Variants in NRXN1 observed in about 807,000 individuals in gnomAD.
NRXN1 encodes neurexin 1.
NRXN1 carries 39 observed loss-of-function variants against 150.9 expected under a neutral mutation model. The ratio of observed to expected loss-of-function variants is 0.26; its 90% CI spans 0.20 to 0.34. The LOEUF is 0.34. Among genes scored for constraint, NRXN1 ranks in the 10% least tolerant of loss-of-function variants. NRXN1 has a pLI of 1.00. For missense variants in NRXN1, 1,815 were observed against 1,949.9 expected, an observed-to-expected ratio of 0.93 and a Z score of 1.30; for synonymous variants, 924 against 757.0, an observed-to-expected ratio of 1.22 and a Z score of -3.62.
At chr2:50,759,278 G>T (rs952504886) in intron 5 of NRXN1, among the ~76,000 whole-genome samples, 1 of 151,704 alleles carries the variant, frequency 6.6e-6, no homozygotes, top group Non-Finnish European at 1.5e-5. Flanking sequence ...CAGTGCACTG[G>T]GTACAAAATC....
chr2:50,001,501 T>C (rs1470284984), intron 21 of NRXN1, among the ~76,000 whole-genome samples: 1 of 152,060 alleles, frequency 6.6e-6, no homozygotes, highest in East Asian at 1.9e-4. Context: ...CCACAGAATG[T>C]GTTAAGAAGA....
At chr2:50,963,912 T>A (rs1339109935) in intron 2 of NRXN1, 2 of 378,108 alleles carry the variant, frequency 5.3e-6, no homozygotes, top group Admixed American at 3.2e-5. Context: ...TAATGAATTA[T>A]GGTATCCTTG....
intron 17 of NRXN1, among the ~76,000 whole-genome samples, chr2:50,443,149 G>A (rs2086109705): frequency 6.6e-6 from 1 of 152,092 alleles, no homozygotes; most frequent in Non-Finnish European, 1.5e-5. Context: ...TAGGTCAAGA[G>A]AAGCAATGTT....
At chr2:50,932,395 G>A (rs916784831) in intron 2 of NRXN1, among the ~76,000 whole-genome samples, 2 of 151,914 alleles carry the variant, frequency 1.3e-5, no homozygotes, top group Admixed American at 1.3e-4. Context: ...CTATGTATTA[G>A]GTCAATCTCT....
At chr2:50,612,918 G>T (rs1325565422) in intron 8 of NRXN1, among the ~76,000 whole-genome samples, 2 of 152,134 alleles carry the variant, frequency 1.3e-5, no homozygotes, top group Middle Eastern at 3.2e-3. Flanking sequence ...CATGAAAGGA[G>T]GCAAGGGTAA....
intron 17 of NRXN1, among the ~76,000 whole-genome samples, chr2:50,328,337 G>A (rs1183020512): frequency 1.3e-5 from 2 of 152,074 alleles, no homozygotes; most frequent in East Asian, 1.9e-4. Context: ...TGTATAGCAT[G>A]AGTAAACACC....
intron 5 of NRXN1, among the ~76,000 whole-genome samples, chr2:50,644,016 G>T (rs1428811268): frequency 4.0e-5 from 6 of 151,158 alleles, no homozygotes; most frequent in African/African-American, 4.8e-5. Context: ...GGTTTTTTTT[G>T]TTTGTTTGTT....
chr2:50,271,493 T>C (rs976086409), intron 17 of NRXN1, among the ~76,000 whole-genome samples: 4 of 152,190 alleles, frequency 2.6e-5, no homozygotes, highest in Non-Finnish European at 4.4e-5. Context: ...AATTCTATTC[T>C]ATTTTCTTCA....
At chr2:50,084,066 C>T (rs554416764) in intron 19 of NRXN1, among the ~76,000 whole-genome samples, 70 of 152,016 alleles carry the variant, frequency 4.6e-4, no homozygotes, top group African/African-American at 1.6e-3. Flanking sequence ...ATTGGTGCAT[C>T]CACAAACCCT....
At chr2:50,023,357 A>T (rs58756415) in intron 21 of NRXN1, 44 of 152,226 alleles carry the variant, frequency 2.9e-4, no homozygotes, top group Middle Eastern at 6.8e-3. Flanking sequence ...ATAAAGAAAC[A>T]CTGATAAGAT....
intron 10 of NRXN1, among the ~76,000 whole-genome samples, chr2:50,532,749 C>A (rs1448331751): frequency 6.6e-6 from 1 of 151,704 alleles, no homozygotes; most frequent in Admixed American, 6.6e-5. Flanking sequence ...GTCTTAAACA[C>A]ACAAAGAAAT....
At chr2:50,237,020 C>T (rs1318608111) in intron 17 of NRXN1, 50 bp from the exon 18 acceptor site, 1 of 1,559,726 alleles carries the variant, frequency 6.4e-7, no homozygotes. Context: ...CAAGTCTGCA[C>T]ATTAGCAAGG....
chr2:50,466,890 G>C (rs939000123), intron 16 of NRXN1, among the ~76,000 whole-genome samples: 1 of 151,612 alleles, frequency 6.6e-6, no homozygotes, highest in African/African-American at 2.4e-5. Flanking sequence ...CAGTAGCAAA[G>C]CAATTATCCC....
chr2:50,138,625 C>T (rs973452229), intron 18 of NRXN1, among the ~76,000 whole-genome samples: 2 of 152,208 alleles, frequency 1.3e-5, no homozygotes, highest in Admixed American at 6.5e-5. Flanking sequence ...TTATTTCATT[C>T]CCCTTCTCAC....
intron 18 of NRXN1, among the ~76,000 whole-genome samples, chr2:50,206,106 C>T (rs1329029755): frequency 6.6e-6 from 1 of 151,968 alleles, no homozygotes; most frequent in East Asian, 1.9e-4. Flanking sequence ...AAGTTCACCA[C>T]CACCTCCCAA....
At chr2:50,263,672 G>C (rs1047225841) in intron 17 of NRXN1, among the ~76,000 whole-genome samples, 1 of 152,012 alleles carries the variant, frequency 6.6e-6, no homozygotes, top group Admixed American at 6.6e-5. Context: ...AATAAATAAA[G>C]AGAAGAATAA....
At chr2:51,025,020 ATTC>A in intron 2 of NRXN1, among the ~76,000 whole-genome samples, 1 of 152,284 alleles carries the variant, frequency 6.6e-6, no homozygotes, top group Middle Eastern at 3.4e-3. Flanking sequence ...TCAATTAATT[ATTC>A]AATAGTCACT....
At position 49,988,201 on chromosome 2, in the gene NRXN1, C is replaced by A. The variant is rs187257817; in HGVS notation, c.4129-44410G>T. On this transcript the variant is annotated intron_variant, in intron 21 of 22. Coordinates refer to ENST00000401669, the MANE Select transcript of NRXN1 (RefSeq NM_001330078.2). ...GGTTTTCTTACATAATAAATAATTT[C>A]TTTGACTCTTTGAAAATGGTTCCAT... is the stretch of plus-strand genomic sequence containing the variant. 2.8e-4 allele frequency among the ~76,000 whole-genome samples: 41 copies of A among 144,524 alleles called. No individual in the cohort carries two copies. In the East Asian group the frequency reaches 8.2e-3, roughly 29 times the overall value. The allele number at this position is 144,524 out of a possible 152,430, so 94.8% of individuals were successfully genotyped here. A position where few individuals can be genotyped will look rare whatever the true frequency, so the allele number is the denominator to read the frequency against.
chr2:49,947,472 C>G (rs1459920606), intron 21 of NRXN1, among the ~76,000 whole-genome samples: 3 of 146,240 alleles, frequency 2.1e-5, no homozygotes, highest in Non-Finnish European at 4.5e-5. Flanking sequence ...TTTCTTTCCT[C>G]TTCCTCTCTT....
Sources: gnomAD v4.1 joint callset for allele counts (sites outside exome capture counted in the v4.1 genomes callset) on GRCh38, gnomAD v4.1.1 for gene constraint, MANE v1.5 for transcripts, NCBI Gene and HGNC (gene_info 2026-07-23, HGNC 2026-07-21) for gene names.